CHAF1A: variants seen among roughly 807,000 people sequenced by gnomAD.
The protein encoded by CHAF1A is chromatin assembly factor 1 subunit A, also known as CAF-1 subunit A.
CHAF1A carries 5 observed loss-of-function variants against 93.2 expected under a neutral mutation model. The ratio of observed to expected loss-of-function variants is 0.05; its 90% CI spans 0.03 to 0.11. CHAF1A has a LOEUF of 0.11. Ranked by LOEUF, CHAF1A falls within the 10% of genes least tolerant of loss-of-function variation. CHAF1A has a pLI of 1.00. For synonymous variants in CHAF1A, 504 were observed against 510.3 expected (o/e 0.99, Z 0.17); for missense variants, 1,102 against 1,259.9 (o/e 0.87, Z 1.90).
rs1449892283 is a variant in CHAF1A at position 4,431,997 on chromosome 19, G to T, written c.1993G>T (p.Ala665Ser). Residue 665 changes from alanine to serine, a missense_variant, in exon 12 of 15, where the codon GCC becomes TCC. By Grantham distance (99) the Ala-to-Ser change is moderately conservative. Transcript: ENST00000301280. ...CCATAAGGTCCGCCAGAAACTGAAG[G>T]CCAAGGAGTGGGACGAGTTCCTGGC... ...ENHKVRQKLK[A>S]KEWDEFLAKG... The T allele has an allele frequency of 6.2e-7, 1 of 1,613,806 alleles. No homozygotes were observed. Among genetic ancestry groups the T allele is most frequent in the Admixed American group, 1.7e-5 (1 of 60,014 alleles).
chr19:4,416,905 A>G (rs981687604), intron 3 of CHAF1A, among the ~76,000 whole-genome samples: 1 of 152,172 alleles, frequency 6.6e-6, no homozygotes, highest in African/African-American at 2.4e-5. Flanking sequence ...CAAAAATAAC[A>G]TTAAAATAAA....
chr19:4,434,262 C>G (rs7249708), intron 13 of CHAF1A, among the ~76,000 whole-genome samples: 135 of 152,290 alleles, frequency 8.9e-4, no homozygotes, highest in African/African-American at 3.0e-3. Context: ...GGGAGGATTA[C>G]TGGAGCCTAG....
At position 4,418,007 on chromosome 19, in the gene CHAF1A, C is replaced by A. The variant is rs1187309504; in HGVS notation, c.961-13C>A. 1 of 1,590,684 alleles carries A rather than the reference C, an allele frequency of 6.3e-7. No individual in the cohort carries two copies. Among genetic ancestry groups the A allele is most frequent in the African/African-American group, 1.4e-5 (1 of 73,990 alleles). On this transcript the variant is annotated splice_polypyrimidine_tract_variant and intron_variant, in intron 3 of 14. Coordinates refer to ENST00000301280, the MANE Select transcript of CHAF1A (RefSeq NM_005483.3). ...ATAACCCGTGTTTAAAGATAAACGT[C>A]TTCTGTTTTCAGATAACTAAGAAAT...
chr19:4,426,375 G>A (rs188541440), intron 7 of CHAF1A, among the ~76,000 whole-genome samples: 2 of 151,942 alleles, frequency 1.3e-5, no homozygotes, highest in East Asian at 3.9e-4. Flanking sequence ...GCACCGTGTT[G>A]GCCAGGATGG....
intron 2 of CHAF1A, among the ~76,000 whole-genome samples, chr19:4,407,100 T>G (rs1478984457): frequency 6.6e-6 from 1 of 151,788 alleles, no homozygotes; most frequent in African/African-American, 2.4e-5. Context: ...GCACCTGTAG[T>G]CCCAGCTACT....
intron 13 of CHAF1A, among the ~76,000 whole-genome samples, 154 bp from the exon 14 acceptor site, chr19:4,442,091 C>T (rs954945020): frequency 2.0e-5 from 3 of 152,184 alleles, no homozygotes; most frequent in African/African-American, 7.2e-5. Context: ...CACATTTGGA[C>T]AGTTTGTTAC....
intron 13 of CHAF1A, among the ~76,000 whole-genome samples, chr19:4,435,127 G>A (rs1246885437): frequency 1.7e-5 from 2 of 115,656 alleles, no homozygotes; most frequent in East Asian, 2.5e-4. Flanking sequence ...GTCTCGCGCT[G>A]TTGCCCGGGC....
downstream of CHAF1A, chr19:4,448,183 C>G (rs1341702491): frequency 2.6e-6 from 2 of 770,916 alleles, no homozygotes; most frequent in Non-Finnish European, 4.2e-6. Context: ...GTGGAGCTGC[C>G]TCACTCTCGG....
rs56088814 is a variant in CHAF1A, at chr19:4,422,181, T to A, written c.1018-385T>A. Among the ~76,000 whole-genome samples, 34,423 of 151,966 alleles carry A rather than the reference T, an allele frequency of 0.23. 4,010 individuals are homozygous for A. Among genetic ancestry groups the A allele is most frequent in the Admixed American group, 0.28 (4,264 of 15,266 alleles). ...CCCACCATGCCTGGCTAGTTTTTTT[T>A]AAAAATATTTTTAGTAGAGATGGGG... On this transcript the variant is annotated intron_variant, in intron 4 of 14. Coordinates refer to ENST00000301280, the MANE Select transcript of CHAF1A (RefSeq NM_005483.3). The surrounding 1 kb of genome is among the most constrained non-coding windows in gnomAD (Gnocchi z 4.6).
In CHAF1A at chr19:4,402,698, A is replaced by T. The variant is rs946887921; in HGVS notation, c.-65A>T. The T allele has an allele frequency of 4.8e-6, 5 of 1,048,686 alleles. No homozygotes were observed. Among genetic ancestry groups the T allele is most frequent in the Non-Finnish European group, 4.8e-6 (4 of 831,738 alleles). 65.0% of individuals were successfully genotyped at this position (1,048,686 alleles called of 1,614,324 possible). A position where few individuals can be genotyped will look rare whatever the true frequency, so the allele number is the denominator to read the frequency against. Reference sequence around the variant, plus strand: ...CGGCGCGGGCGGGAGGGCGAAGAGCAGCGGCCGCCTGAGGGGAGCCCGCGC... The same window carrying T: ...CGGCGCGGGCGGGAGGGCGAAGAGCTGCGGCCGCCTGAGGGGAGCCCGCGC... On this transcript the variant is annotated 5_prime_UTR_variant, in exon 1 of 15. Transcript: ENST00000301280.
chr19:4,431,570 T>A (rs1974183503), intron 11 of CHAF1A, among the ~76,000 whole-genome samples: 2 of 151,986 alleles, frequency 1.3e-5, no homozygotes, highest in Non-Finnish European at 2.9e-5. Flanking sequence ...CACCGAGGCC[T>A]GAACTGTCAG....
intron 12 of CHAF1A, among the ~76,000 whole-genome samples, chr19:4,432,709 A>G (rs957062046): frequency 6.6e-6 from 1 of 151,226 alleles, no homozygotes; most frequent in Non-Finnish European, 1.5e-5. Flanking sequence ...ACAGTGAGCC[A>G]TGATCCTGCC....
At chr19:4,440,772 C>T (rs1908230391) in intron 13 of CHAF1A, among the ~76,000 whole-genome samples, 1 of 151,736 alleles carries the variant, frequency 6.6e-6, no homozygotes, top group African/African-American at 2.4e-5. Flanking sequence ...TGACTGACTG[C>T]TCCATCCTGC....
chr19:4,423,666 GGGTT>G (rs1374478690), intron 6 of CHAF1A, 136 bp from the exon 7 acceptor site: 50 of 979,538 alleles, frequency 5.1e-5, no homozygotes, highest in Middle Eastern at 2.1e-4. Flanking sequence ...GCGGGTCCGT[GGGTT>G]TTGAGAGCTG....
At chr19:4,429,295 T>G in intron 8 of CHAF1A, 143 bp from the exon 9 acceptor site, 1 of 949,098 alleles carries the variant, frequency 1.1e-6, no homozygotes, top group Non-Finnish European at 1.6e-6. Flanking sequence ...TCCTGACCTT[T>G]CTTTGGGGAC....
rs1256638450 is a variant in CHAF1A at position 4,404,697 on chromosome 19, C to T, written c.53-1215C>T. 3.9e-5 allele frequency among the ~76,000 whole-genome samples: 6 copies of T among 152,134 alleles called. No homozygotes were observed. The East Asian group carries it at 5.8e-4, about 15-fold the overall frequency. On this transcript the variant is annotated intron_variant, in intron 1 of 14. Coordinates refer to ENST00000301280, the MANE Select transcript of CHAF1A (RefSeq NM_005483.3). Reference sequence around the variant, plus strand: ...TTTTATGTAATGCTTACAAAACATACGTAGATTAACCAAAATAACTAAACT... The same window carrying T: ...TTTTATGTAATGCTTACAAAACATATGTAGATTAACCAAAATAACTAAACT...
At chr19:4,423,722 G>T in intron 6 of CHAF1A, 84 bp from the exon 7 acceptor site, 1 of 1,341,072 alleles carries the variant, frequency 7.5e-7, no homozygotes, top group East Asian at 2.3e-5. Flanking sequence ...CTTGACGTTC[G>T]GTTCTGGGGG....
downstream of CHAF1A, chr19:4,446,531 C>A: frequency 1.2e-6 from 2 of 1,611,840 alleles, no homozygotes; most frequent in Non-Finnish European, 1.7e-6. Context: ...ATCTCCTCTG[C>A]TGTGAGGTTG....
chr19:4,429,363 C>T, intron 8 of CHAF1A, 75 bp from the exon 9 acceptor site: 1 of 1,518,862 alleles, frequency 6.6e-7, no homozygotes, highest in Non-Finnish European at 8.9e-7. Context: ...GCCAGCTTCA[C>T]AGGGAGGTTC....
Sources: allele counts gnomAD v4.1 joint callset (sites outside exome capture counted in the v4.1 genomes callset), GRCh38; gene constraint gnomAD v4.1.1; non-coding constraint Gnocchi (gnomAD v3.1); transcripts MANE v1.5; gene names NCBI Gene and HGNC (gene_info 2026-07-23, HGNC 2026-07-21).